Variants in GLYATL1B observed in about 807,000 individuals in gnomAD.
GLYATL1B encodes glycine-N-acyltransferase like 1B.
In GLYATL1B, 6 loss-of-function variants were observed where a neutral mutation model predicts 5.5. The observed-to-expected ratio is 1.09, with a 90% CI of 0.60 to 2.15. The LOEUF (loss-of-function observed/expected upper bound fraction) is 2.15, where lower values mean the gene tolerates loss of function less well. Ranked by LOEUF, GLYATL1B falls within the 30% of genes most tolerant of loss-of-function variation. The pLI is 0.00. For missense variants in GLYATL1B, 135 were observed against 94.1 expected (o/e 1.43, Z -1.80); for synonymous variants, 67 against 34.9 (o/e 1.92, Z -3.24).
At chr11:59,091,164 T>G (rs997543127) in intron 2 of GLYATL1B, among the ~76,000 whole-genome samples, 89 of 152,294 alleles carry the variant, frequency 5.8e-4, no homozygotes, top group African/African-American at 2.1e-3. Context: ...TCAGAATTTT[T>G]GCATCTGTAT....
intron 2 of GLYATL1B, among the ~76,000 whole-genome samples, chr11:59,092,660 T>A (rs181103633): frequency 5.5e-4 from 84 of 152,338 alleles, no homozygotes; most frequent in Non-Finnish European, 1.1e-3. Context: ...AAACAGATAC[T>A]CATCGTCCCA....
chr11:59,086,509 T>A (rs1475061187), intron 1 of GLYATL1B, 125 bp downstream of exon 1: 6 of 394,284 alleles, frequency 1.5e-5, no homozygotes, highest in Admixed American at 4.4e-5. Context: ...CAGGATGGGG[T>A]TGGGGACAAA....
intron 2 of GLYATL1B, among the ~76,000 whole-genome samples, chr11:59,091,167 A>G (rs1476259546): frequency 1.3e-5 from 2 of 152,076 alleles, no homozygotes; most frequent in Admixed American, 6.6e-5. Flanking sequence ...GAATTTTTGC[A>G]TCTGTATTCA....
At chr11:59,091,941 C>T (rs539028078) in intron 2 of GLYATL1B, among the ~76,000 whole-genome samples, 1 of 152,272 alleles carries the variant, frequency 6.6e-6, no homozygotes, top group Admixed American at 6.5e-5. Context: ...AGCCATAATT[C>T]TTGTCCACTT....
chr11:59,090,781 T>G (rs1859291850), intron 2 of GLYATL1B, among the ~76,000 whole-genome samples: 1 of 152,132 alleles, frequency 6.6e-6, no homozygotes. Context: ...GGGTTTTTAC[T>G]TTCTTGCCTT....
intron 2 of GLYATL1B, among the ~76,000 whole-genome samples, chr11:59,091,800 TGGAATCATC>T (rs1337063048): frequency 6.6e-6 from 1 of 152,124 alleles, no homozygotes; most frequent in Non-Finnish European, 1.5e-5. Context: ...AGCAAAGACA[TGGAATCATC>T]ACAGATCCCC....
intron 2 of GLYATL1B, among the ~76,000 whole-genome samples, chr11:59,090,391 T>C (rs1859283532): frequency 6.6e-6 from 1 of 152,054 alleles, no homozygotes; most frequent in South Asian, 2.1e-4. Flanking sequence ...ATTTTTGTGA[T>C]ACTAAATATT....
Position 59,087,520 on chromosome 11 carries a change from C to A in GLYATL1B, c.186+349C>A, listed in dbSNP as rs564228482. 7.2e-5 allele frequency among the ~76,000 whole-genome samples: 11 copies of A among 152,050 alleles called. No individual in the cohort carries two copies. In the South Asian group the frequency reaches 1.7e-3, roughly 23 times the overall value. On this transcript the variant is annotated intron_variant, in intron 2 of 4. Coordinates refer to ENST00000527482, the MANE Select transcript of GLYATL1B (RefSeq NM_001355566.1). ...GAGATATTGGAACAGTGACTTAGAA[C>A]CAAAAACCAAGGCAGTAGTCTACCA...
At chr11:59,087,929 C>T (rs893311487) in intron 2 of GLYATL1B, among the ~76,000 whole-genome samples, 4 of 152,170 alleles carry the variant, frequency 2.6e-5, no homozygotes, top group African/African-American at 9.7e-5. Flanking sequence ...GCACCTCACT[C>T]GTTAGTGACT....
At chr11:59,087,823 G>A (rs1859221924) in intron 2 of GLYATL1B, among the ~76,000 whole-genome samples, 1 of 152,118 alleles carries the variant, frequency 6.6e-6, no homozygotes, top group Admixed American at 6.5e-5. Flanking sequence ...ACTCTAGCCT[G>A]GCCAACAGAG....
At chr11:59,087,021 TG>T in intron 1 of GLYATL1B, 42 bp from the exon 2 acceptor site, 2 of 577,760 alleles carry the variant, frequency 3.5e-6, no homozygotes, top group Admixed American at 2.5e-5. Flanking sequence ...CCCCCATCTC[TG>T]GGGATCTCAG....
At chr11:59,086,984 A>G (rs1013882713) in intron 1 of GLYATL1B, 80 bp from the exon 2 acceptor site, 3 of 493,444 alleles carry the variant, frequency 6.1e-6, no homozygotes, top group Non-Finnish European at 1.1e-5. Flanking sequence ...CTTGATCTCC[A>G]TTTTTCTCTT....
intron 2 of GLYATL1B, among the ~76,000 whole-genome samples, chr11:59,089,016 A>G (rs1208629822): frequency 6.6e-6 from 1 of 152,212 alleles, no homozygotes; most frequent in Non-Finnish European, 1.5e-5. Flanking sequence ...TAAGAAGTTA[A>G]TAACCTCTCA....
chr11:59,091,368 A>G (rs1422637988), intron 2 of GLYATL1B, among the ~76,000 whole-genome samples: 1 of 152,202 alleles, frequency 6.6e-6, no homozygotes, highest in Non-Finnish European at 1.5e-5. Flanking sequence ...TTTTAGATAA[A>G]GGGGGTACAT....
intron 2 of GLYATL1B, among the ~76,000 whole-genome samples, chr11:59,089,512 A>G (rs1859264248): frequency 6.6e-6 from 1 of 152,178 alleles, no homozygotes; most frequent in Non-Finnish European, 1.5e-5. Flanking sequence ...AGTGAATGTT[A>G]TCCTTCTTCT....
Position 59,094,337 on chromosome 11 carries a change from A to G in GLYATL1B, c.492-32A>G, listed in dbSNP as rs2135384027. The G allele has an allele frequency of 1.0e-5, 5 of 496,206 alleles. No homozygotes were observed. The East Asian group carries it at 1.6e-4, about 16-fold the overall frequency. The allele number at this position is 496,206 out of a possible 1,614,324, so 30.7% of individuals were successfully genotyped here. ...CCTAGAAATTACAGGAGTGGGGATG[A>G]AAGTTGTTGTCTTTCTTTTTGTTTT... is the stretch of plus-strand genomic sequence containing the variant. On this transcript the variant is annotated intron_variant, in intron 4 of 4. Transcript: ENST00000527482.
intron 2 of GLYATL1B, among the ~76,000 whole-genome samples, chr11:59,089,069 T>C (rs1183798005): frequency 1.3e-5 from 2 of 152,202 alleles, no homozygotes; most frequent in Non-Finnish European, 2.9e-5. Context: ...TTTGGGGTAA[T>C]CGGTGTCCTT....
At chr11:59,092,292 CTG>C (rs1227552164) in intron 2 of GLYATL1B, among the ~76,000 whole-genome samples, 1 of 151,832 alleles carries the variant, frequency 6.6e-6, no homozygotes, top group East Asian at 1.9e-4. Context: ...ATCATTTGCA[CTG>C]TGTCTTGTTC....
intron 2 of GLYATL1B, 63 bp downstream of exon 2, chr11:59,087,234 A>T: frequency 2.1e-6 from 1 of 475,060 alleles, no homozygotes; most frequent in East Asian, 3.1e-5. Flanking sequence ...GAACTGTCCA[A>T]TTCAGACACC....
Sources: allele counts gnomAD v4.1 joint callset (sites outside exome capture counted in the v4.1 genomes callset), GRCh38; gene constraint gnomAD v4.1.1; transcripts MANE v1.5; gene names NCBI Gene and HGNC (gene_info 2026-07-23, HGNC 2026-07-21).